Variants in XRN1 observed in about 807,000 individuals in gnomAD.
XRN1 encodes the protein 5'-3' exoribonuclease 1.
Under a neutral mutation model 222.3 loss-of-function variants are expected in XRN1, and 67 were observed. The ratio of observed to expected loss-of-function variants is 0.30; its 90% CI spans 0.25 to 0.37. The LOEUF (loss-of-function observed/expected upper bound fraction) is 0.37, where lower values mean the gene tolerates loss of function less well. Ranked by LOEUF, XRN1 falls within the 10% of genes least tolerant of loss-of-function variation. The pLI is 1.00. For synonymous variants in XRN1, 643 were observed against 652.4 expected, an observed-to-expected ratio of 0.99 and a Z score of 0.22; for missense variants, 1,707 against 2,000.2, an observed-to-expected ratio of 0.85 and a Z score of 2.80.
intron 32 of XRN1, among the ~76,000 whole-genome samples, chr3:142,349,120 T>C (rs2107808347): frequency 6.6e-6 from 1 of 152,014 alleles, no homozygotes; most frequent in South Asian, 2.1e-4. Context: ...GCCTGGCTAA[T>C]TTTCGTATTG....
At position 142,365,315 on chromosome 3, in the gene XRN1, A is replaced by G. The variant is rs754845984; in HGVS notation, c.3256T>C (p.Tyr1086His). The G allele has an allele frequency of 2.1e-5, 33 of 1,591,394 alleles. No homozygotes were observed. The highest frequency in any genetic ancestry group is 2.8e-5 in the Non-Finnish European group (33 of 1,169,202). The stretch of plus-strand genomic sequence containing the variant: ...TTCTTTGATAGGAAACTTACTCTGT[A>G]TAGCAAATGGGGTTTCACTGTTACT... ...VRVTVKPHLL[Y>H]RPLEQQHGVI... is the part of the protein sequence containing the mutation. The change falls in exon 28 of 41, where the codon TAC becomes CAC. Residue 1086 changes from tyrosine to histidine, a missense_variant. Around this residue, in one of 2 missense-constraint regions of XRN1, gnomAD observed 1,234 missense variants for 1,518.2 expected, o/e 0.81. Transcript: ENST00000392981.
At chr3:142,379,314 G>A (rs565704929) in intron 23 of XRN1, among the ~76,000 whole-genome samples, 9 of 152,030 alleles carry the variant, frequency 5.9e-5, no homozygotes, top group Admixed American at 3.9e-4. Context: ...AAAATTCTGA[G>A]GGAAAATAAT....
intron 36 of XRN1, among the ~76,000 whole-genome samples, chr3:142,330,756 T>C (rs1577232012): frequency 6.6e-6 from 1 of 152,280 alleles, no homozygotes; most frequent in East Asian, 1.9e-4. Flanking sequence ...TTTTGGAATT[T>C]TTAATTAATT....
At chr3:142,327,481 T>C (rs567371488) in intron 37 of XRN1, among the ~76,000 whole-genome samples, 4 of 152,182 alleles carry the variant, frequency 2.6e-5, no homozygotes, top group South Asian at 2.1e-4. Flanking sequence ...CATATGGATA[T>C]TCTCTCTTTT....
intron 27 of XRN1, among the ~76,000 whole-genome samples, chr3:142,368,968 T>C (rs1189097539): frequency 1.3e-5 from 2 of 152,194 alleles, no homozygotes; most frequent in East Asian, 3.8e-4. Context: ...GGTACTATTT[T>C]ATTCTAATTT....
At chr3:142,334,518 C>G (rs1346825484) in intron 34 of XRN1, among the ~76,000 whole-genome samples, 2 of 151,800 alleles carry the variant, frequency 1.3e-5, no homozygotes, top group Non-Finnish European at 2.9e-5. Context: ...ACAGCAGAGA[C>G]TATATAAAGT....
chr3:142,433,371 ACT>A (rs1288804613), intron 1 of XRN1, among the ~76,000 whole-genome samples: 1 of 152,196 alleles, frequency 6.6e-6, no homozygotes, highest in East Asian at 1.9e-4. Context: ...TGAAGCAGTC[ACT>A]GATTGGTTAT....
chr3:142,316,868 G>C (rs2065224405), intron 39 of XRN1, among the ~76,000 whole-genome samples: 1 of 151,868 alleles, frequency 6.6e-6, no homozygotes, highest in Admixed American at 6.6e-5. Flanking sequence ...ACGACTTTGA[G>C]ACCAGCCTGG....
chr3:142,374,555 T>TA (rs1340282715), intron 25 of XRN1, among the ~76,000 whole-genome samples: 4 of 152,126 alleles, frequency 2.6e-5, no homozygotes, highest in Non-Finnish European at 4.4e-5. Context: ...ACAGATTTAA[T>TA]AAAAAATCTT....
chr3:142,396,136 A>C (rs760461475), intron 20 of XRN1, among the ~76,000 whole-genome samples: 21 of 152,228 alleles, frequency 1.4e-4, no homozygotes, highest in Non-Finnish European at 2.9e-4. Context: ...TATTCATTAC[A>C]ATGCATACTA....
intron 33 of XRN1, among the ~76,000 whole-genome samples, chr3:142,337,418 C>T (rs1280089330): frequency 6.6e-6 from 1 of 152,164 alleles, no homozygotes; most frequent in Non-Finnish European, 1.5e-5. Context: ...AATTTGTCTT[C>T]CTTTTTAGTC....
At chr3:142,372,164 C>T (rs987033683) in intron 25 of XRN1, among the ~76,000 whole-genome samples, 4 of 151,992 alleles carry the variant, frequency 2.6e-5, no homozygotes, top group South Asian at 2.1e-4. Flanking sequence ...TGACCTGTAG[C>T]GTATATTTTA....
chr3:142,403,732 C>T lies in XRN1; in HGVS notation c.2045G>A (p.Ser682Asn). 1 of 1,613,304 alleles carries T rather than the reference C, an allele frequency of 6.2e-7. No homozygotes were observed. ...KKSGVQVFQQ[S>N]SRGENMMLEI... ...CAACATCATGTTTTCTCCACGACTG[C>T]TTTGCTGGAATACTTGAACACCACT... is the stretch of plus-strand genomic sequence containing the variant. The change falls in exon 18 of 41, where the codon AGC becomes AAC. Residue 682 changes from serine to asparagine, a missense_variant. Transcript: ENST00000392981.
intron 25 of XRN1, among the ~76,000 whole-genome samples, chr3:142,371,679 A>C (rs1294153692): frequency 6.6e-6 from 1 of 152,252 alleles, no homozygotes; most frequent in Non-Finnish European, 1.5e-5. Context: ...ACAATACAAC[A>C]AATTAAAATA....
At chr3:142,437,030 G>A (rs1001396299) in intron 1 of XRN1, among the ~76,000 whole-genome samples, 2 of 151,982 alleles carry the variant, frequency 1.3e-5, no homozygotes, top group Admixed American at 6.5e-5. Flanking sequence ...AGAAATATTT[G>A]AAAAATTCTC....
chr3:142,400,632 A>T (rs2068092335), intron 18 of XRN1, 85 bp from the exon 19 acceptor site: 2 of 1,037,442 alleles, frequency 1.9e-6, no homozygotes, highest in Non-Finnish European at 1.4e-6. Flanking sequence ...ATCTCCATTT[A>T]AGTTTTTTAA....
intron 39 of XRN1, among the ~76,000 whole-genome samples, chr3:142,313,381 G>C (rs2107846357): frequency 6.6e-6 from 1 of 152,242 alleles, no homozygotes; most frequent in Non-Finnish European, 1.5e-5. Flanking sequence ...CAGATTCCTG[G>C]ACAGGGCCTC....
chr3:142,421,106 A>G lies in XRN1; in HGVS notation c.1083T>C (p.Phe361=), dbSNP rs374870406. 4 of 1,613,866 alleles carry G rather than the reference A, an allele frequency of 2.5e-6. No homozygotes were observed. Among genetic ancestry groups the G allele is most frequent in the Non-Finnish European group, 3.4e-6 (4 of 1,179,960 alleles). Residue 361 remains phenylalanine, a synonymous_variant, in exon 10 of 41, where the codon TTT becomes TTC. Coordinates refer to ENST00000392981, the MANE Select transcript of XRN1 (RefSeq NM_001282857.2). ...GGTACTTGTTACCAACTTTGCTTTC[A>G]AACCATTTTAGGTCCACAAAAACTT... ...FSEVFVDLKW[F]ESKVGNKYLN...
intron 20 of XRN1, among the ~76,000 whole-genome samples, chr3:142,389,372 T>C (rs2067630590): frequency 6.6e-6 from 1 of 152,176 alleles, no homozygotes; most frequent in Non-Finnish European, 1.5e-5. Flanking sequence ...GTTTTGAACC[T>C]CTCAAAGTCA....
Sources: gnomAD v4.1 joint callset for allele counts (sites outside exome capture counted in the v4.1 genomes callset) on GRCh38, gnomAD v4.1.1 for gene constraint, gnomAD v4.1.1 regional missense constraint, MANE v1.5 for transcripts, NCBI Gene and HGNC (gene_info 2026-07-23, HGNC 2026-07-21) for gene names.